Variants in PIK3C2A observed in about 807,000 individuals in gnomAD.
The protein encoded by PIK3C2A is phosphatidylinositol-4-phosphate 3-kinase catalytic subunit type 2 alpha, also known as phosphatidylinositol 4-phosphate 3-kinase C2 domain-containing subunit alpha.
In PIK3C2A, 97 loss-of-function variants were observed where a neutral mutation model predicts 204.5. That is an observed-to-expected ratio of 0.47 (90% CI 0.40 to 0.56). The LOEUF is 0.56. Ranked by LOEUF, PIK3C2A falls within the 20% of genes least tolerant of loss-of-function variation. The probability of loss-of-function intolerance (pLI) is 0.00; values close to 1 mark genes in which losing one functional copy is unlikely to be tolerated. For synonymous variants in PIK3C2A, 653 were observed against 664.4 expected (o/e 0.98, Z 0.26); for missense variants, 1,735 against 1,969.2 (o/e 0.88, Z 2.25).
intron 22 of PIK3C2A, among the ~76,000 whole-genome samples, chr11:17,108,510 G>A (rs1848901875): frequency 6.6e-6 from 1 of 152,162 alleles, no homozygotes; most frequent in South Asian, 2.1e-4. Flanking sequence ...GCTAATTTTG[G>A]GAGGCTGAGG....
At chr11:17,093,473 C>T (rs573497115) in intron 28 of PIK3C2A, among the ~76,000 whole-genome samples, 21 of 152,192 alleles carry the variant, frequency 1.4e-4, no homozygotes, top group African/African-American at 4.8e-4. Context: ...ACCGTGTTAG[C>T]CAGGATGGTC....
At chr11:17,193,070 CCT>C (rs1311639594) in intron 1 of PIK3C2A, among the ~76,000 whole-genome samples, 11 of 152,192 alleles carry the variant, frequency 7.2e-5, no homozygotes, top group Non-Finnish European at 1.3e-4. Flanking sequence ...AGCCAGATTT[CCT>C]CTCTGTCATA....
At chr11:17,105,514 T>C (rs1848782596) in intron 22 of PIK3C2A, among the ~76,000 whole-genome samples, 1 of 152,192 alleles carries the variant, frequency 6.6e-6, no homozygotes, top group South Asian at 2.1e-4. Flanking sequence ...CCCGCATACA[T>C]TAGGTATTTG....
At chr11:17,172,786 A>G (rs958908291) in intron 1 of PIK3C2A, among the ~76,000 whole-genome samples, 1 of 152,168 alleles carries the variant, frequency 6.6e-6, no homozygotes, top group East Asian at 1.9e-4. Context: ...TTCATCATCA[A>G]TGATTACCCT....
At chr11:17,206,126 AT>A (rs1258381174) in intron 1 of PIK3C2A, among the ~76,000 whole-genome samples, 26 of 152,320 alleles carry the variant, frequency 1.7e-4, no homozygotes, top group African/African-American at 6.0e-4. Flanking sequence ...ACAGAAAAAA[AT>A]TGTAAAACCT....
At chr11:17,135,841 C>T (rs1849855781) in intron 9 of PIK3C2A, among the ~76,000 whole-genome samples, 1 of 152,130 alleles carries the variant, frequency 6.6e-6, no homozygotes, top group African/African-American at 2.4e-5. Context: ...TATCGAGGGG[C>T]ACACCATCAA....
intron 2 of PIK3C2A, among the ~76,000 whole-genome samples, chr11:17,162,192 C>A (rs1850795955): frequency 6.6e-6 from 1 of 151,732 alleles, no homozygotes; most frequent in Non-Finnish European, 1.5e-5. Context: ...GAAAAATTTG[C>A]CGGGTGTGGT....
At position 17,119,243 on chromosome 11, in the gene PIK3C2A, C is replaced by G. The variant is rs1263201026; in HGVS notation, c.2917G>C (p.Asp973His). ...ACTTGTACAAACTGTGGAAGAAGAT[C>G]TGTTAGCTCATCATCACTAATGGCC... ...IEAISDDELTDLLPQFVQALK... is the reference protein window; with the variant it reads ...IEAISDDELTHLLPQFVQALK... The change falls in exon 17 of 33, where the codon GAT becomes CAT. Residue 973 changes from aspartate (D) to histidine (H), a missense_variant. Asp to His is a moderately conservative substitution (Grantham distance 81). Around this residue, in one of 6 missense-constraint regions of PIK3C2A, gnomAD observed 567 missense variants for 576.0 expected, o/e 0.98. Transcript: ENST00000691414. The G allele has an allele frequency of 1.3e-6, 2 of 1,598,342 alleles. No individual in the cohort carries two copies. The highest frequency in any genetic ancestry group is 2.7e-5 in the African/African-American group (2 of 74,658).
chr11:17,201,034 C>T (rs1359772140), intron 1 of PIK3C2A, among the ~76,000 whole-genome samples: 1 of 151,822 alleles, frequency 6.6e-6, no homozygotes, highest in South Asian at 2.1e-4. Flanking sequence ...GGTGAAATCC[C>T]GTCTCTACTA....
At chr11:17,176,905 T>G (rs1239612314) in intron 1 of PIK3C2A, among the ~76,000 whole-genome samples, 1 of 152,250 alleles carries the variant, frequency 6.6e-6, no homozygotes, top group Non-Finnish European at 1.5e-5. Flanking sequence ...TAGAGATATA[T>G]AGATACTATA....
intron 2 of PIK3C2A, among the ~76,000 whole-genome samples, chr11:17,163,074 G>C (rs1850833556): frequency 6.6e-6 from 1 of 152,186 alleles, no homozygotes; most frequent in Non-Finnish European, 1.5e-5. Context: ...GGGGGACTGA[G>C]GCGGGTGGAT....
chr11:17,126,457 T>C (rs189978294), intron 13 of PIK3C2A, among the ~76,000 whole-genome samples: 16 of 152,306 alleles, frequency 1.1e-4, no homozygotes, highest in East Asian at 7.7e-4. Flanking sequence ...TTTGAGTCAT[T>C]TGGCTTCAAT....
chr11:17,156,632 C>T (rs1365424787), intron 2 of PIK3C2A, among the ~76,000 whole-genome samples: 3 of 152,154 alleles, frequency 2.0e-5, no homozygotes, highest in Non-Finnish European at 2.9e-5. Context: ...ATCTGCCTGC[C>T]TCAGCACACA....
At chr11:17,206,186 CA>C (rs1852567236) in intron 1 of PIK3C2A, among the ~76,000 whole-genome samples, 1 of 152,116 alleles carries the variant, frequency 6.6e-6, no homozygotes, top group Non-Finnish European at 1.5e-5. Flanking sequence ...CTGCAGGAAA[CA>C]CGCATATAAA....
chr11:17,155,620 T>C lies in PIK3C2A; in HGVS notation c.1075A>G (p.Asn359Asp), dbSNP rs761268332. The change falls in exon 3 of 33, where the codon AAT becomes GAT. Residue 359 changes from asparagine to aspartate, a missense_variant. Transcript: ENST00000691414. Reference sequence around the variant, plus strand: ...CCAGTTGGCAAACTACTGGTCCCATTTGGGTCTTTCTGTAATTAAAAAAGT... The same window carrying C: ...CCAGTTGGCAAACTACTGGTCCCATCTGGGTCTTTCTGTAATTAAAAAAGT... ...AQGHISQKDP[N>D]GTSSLPTGSS... The C allele has an allele frequency of 1.3e-6, 2 of 1,594,092 alleles. No individual in the cohort carries two copies. The highest frequency in any genetic ancestry group is 3.3e-5 in the Admixed American group (2 of 59,830).
chr11:17,181,617 T>C (rs1210654121), intron 1 of PIK3C2A, among the ~76,000 whole-genome samples: 33 of 1,322 alleles, frequency 0.025, no homozygotes, highest in Middle Eastern at 0.5. Context: ...TATATATATA[T>C]ATATATATAT....
intron 1 of PIK3C2A, among the ~76,000 whole-genome samples, chr11:17,178,114 A>AAAAAAAAAAAAAATG (rs1565294473): frequency 1.4e-5 from 1 of 73,238 alleles, no homozygotes; most frequent in African/African-American, 4.4e-5. Flanking sequence ...AAAAAAAAAG[A>AAAAAAAAAAAAAATG]AAAAAAAAAT....
rs569686458 is a variant in PIK3C2A, at chr11:17,089,703, C to T, written c.*35G>A. 1.9e-4 allele frequency: 270 copies of T among 1,447,360 alleles called. 3 individuals carry two copies. The South Asian group carries it at 3.1e-3, about 17-fold the overall frequency. The allele number at this position is 1,447,360 out of a possible 1,614,324, so 89.7% of individuals were successfully genotyped here. A position where few individuals can be genotyped will look rare whatever the true frequency, so the allele number is the denominator to read the frequency against. On this transcript the variant is annotated 3_prime_UTR_variant, in exon 33 of 33. Coordinates refer to ENST00000691414, the MANE Select transcript of PIK3C2A (RefSeq NM_002645.4). ...TGCATGTATGCATGCACGTTTATAACTGTTCATGCTTCCAAAGCTCAAACA... is the reference window on the plus strand; with the variant it reads ...TGCATGTATGCATGCACGTTTATAATTGTTCATGCTTCCAAAGCTCAAACA...
At chr11:17,163,037 T>C (rs1385944760) in intron 2 of PIK3C2A, among the ~76,000 whole-genome samples, 1 of 152,138 alleles carries the variant, frequency 6.6e-6, no homozygotes, top group Non-Finnish European at 1.5e-5. Flanking sequence ...CCAGGCACGG[T>C]GGCCACGCCT....
Sources: allele counts gnomAD v4.1 joint callset (sites outside exome capture counted in the v4.1 genomes callset), GRCh38; gene constraint gnomAD v4.1.1; regional missense constraint gnomAD v4.1.1; transcripts MANE v1.5; gene names NCBI Gene and HGNC (gene_info 2026-07-23, HGNC 2026-07-21).